The following CAMTA1 variants were observed in gnomAD, a reference collection of about 807,000 sequenced individuals.
CAMTA1 encodes calmodulin binding transcription activator 1, also known as calmodulin-binding transcription activator 1.
Under a neutral mutation model 170.9 loss-of-function variants are expected in CAMTA1, and 27 were observed. The ratio of observed to expected loss-of-function variants is 0.16; its 90% CI spans 0.12 to 0.22. CAMTA1 has a LOEUF of 0.22. Ranked by LOEUF, CAMTA1 falls within the 10% of genes least tolerant of loss-of-function variation. CAMTA1 has a pLI of 1.00. For missense variants in CAMTA1, 1,619 were observed against 2,217.2 expected, an observed-to-expected ratio of 0.73 and a Z score of 5.42; for synonymous variants, 833 against 891.5, an observed-to-expected ratio of 0.93 and a Z score of 1.17.
chr1:6,891,770 A>G (rs1022332233), intron 3 of CAMTA1, among the ~76,000 whole-genome samples: 2 of 152,238 alleles, frequency 1.3e-5, no homozygotes, highest in Non-Finnish European at 2.9e-5. Flanking sequence ...TAAATAATCT[A>G]TGATTAGCAT....
intron 11 of CAMTA1, among the ~76,000 whole-genome samples, chr1:7,729,540 A>G (rs2096716724): frequency 6.6e-6 from 1 of 152,242 alleles, no homozygotes; most frequent in South Asian, 2.1e-4. Context: ...TCTTTTGAGT[A>G]GAGCTAAGCT....
At chr1:7,283,308 A>G (rs935669559) in intron 5 of CAMTA1, among the ~76,000 whole-genome samples, 2 of 152,102 alleles carry the variant, frequency 1.3e-5, no homozygotes, top group African/African-American at 4.8e-5. Flanking sequence ...TTGTGATCCC[A>G]TCTTTGAATG....
chr1:7,719,410 T>G (rs1437169663), intron 11 of CAMTA1, among the ~76,000 whole-genome samples: 1 of 152,236 alleles, frequency 6.6e-6, no homozygotes, highest in Non-Finnish European at 1.5e-5. Flanking sequence ...GGCAGTATCC[T>G]GAATGATTTT....
chr1:7,402,539 T>C (rs2089980809), intron 5 of CAMTA1, among the ~76,000 whole-genome samples: 1 of 152,168 alleles, frequency 6.6e-6, no homozygotes. Flanking sequence ...TGGCCTGTCA[T>C]AGGGCCCATT....
At chr1:6,837,097 G>A (rs966326473) in intron 3 of CAMTA1, among the ~76,000 whole-genome samples, 1 of 151,988 alleles carries the variant, frequency 6.6e-6, no homozygotes, top group Non-Finnish European at 1.5e-5. Flanking sequence ...GGGACTACAG[G>A]CACGCGCCAC....
chr1:7,404,908 T>C (rs1471582184), intron 5 of CAMTA1, among the ~76,000 whole-genome samples: 1 of 152,148 alleles, frequency 6.6e-6, no homozygotes, highest in African/African-American at 2.4e-5. Context: ...AAAAGGGTCT[T>C]TTTTTGTTTG....
intron 3 of CAMTA1, among the ~76,000 whole-genome samples, chr1:6,931,353 A>G (rs1684380710): frequency 6.6e-6 from 1 of 152,214 alleles, no homozygotes; most frequent in Admixed American, 6.5e-5. Flanking sequence ...AGAGTCACTT[A>G]TCTCAGCACC....
chr1:7,276,303 A>ATATATATAT, intron 5 of CAMTA1, among the ~76,000 whole-genome samples: 1 of 24,232 alleles, frequency 4.1e-5, no homozygotes, highest in African/African-American at 3.0e-4. Context: ...ATATATATAT[A>ATATATATAT]TTTTTTTTTT....
rs537778005 is a variant in CAMTA1 at position 6,893,562 on chromosome 1, G to C, written c.234+68352G>C. On this transcript the variant is annotated intron_variant, in intron 3 of 22. Coordinates refer to ENST00000303635, the MANE Select transcript of CAMTA1 (RefSeq NM_015215.4). Reference sequence around the variant, plus strand: ...GAGATCATCCCTGTTGATTAGGTTTGCAGAATTCTAAATGGAGATTGTAGC... The same window carrying C: ...GAGATCATCCCTGTTGATTAGGTTTCCAGAATTCTAAATGGAGATTGTAGC... Among the ~76,000 whole-genome samples, 7 of 152,340 alleles carry C rather than the reference G, an allele frequency of 4.6e-5. No individual in the cohort carries two copies. The East Asian group carries it at 1.3e-3, about 29-fold the overall frequency.
intron 5 of CAMTA1, among the ~76,000 whole-genome samples, chr1:7,442,643 A>ACG (rs1322522057): frequency 6.6e-6 from 1 of 152,138 alleles, no homozygotes; most frequent in East Asian, 1.9e-4. Context: ...GGTTTACTCA[A>ACG]CGCGTGACTT....
Position 6,995,295 on chromosome 1 carries a change from C to CTTTTTTTTTTTTTTTTTTT in CAMTA1, c.235-96003_235-95985dup, listed in dbSNP as rs765139922. On this transcript the variant is annotated intron_variant, in intron 3 of 22. Transcript: ENST00000303635. The stretch of plus-strand genomic sequence containing the variant: ...TCCTTTAAAATCTTTTTTTTCTTTT[C>CTTTTTTTTTTTTTTTTTTT]TTTTTTTTTTTTTTTTTTTTTTTTG... Among the ~76,000 whole-genome samples, 27 of 60,622 alleles carry CTTTTTTTTTTTTTTTTTTT rather than the reference C, an allele frequency of 4.5e-4. 5 individuals carry two copies. The highest frequency in any genetic ancestry group is 1.5e-3 in the African/African-American group (22 of 14,600). The allele number at this position is 60,622 out of a possible 152,430, so 39.8% of individuals were successfully genotyped here.
chr1:7,524,875 G>T (rs556887907), intron 6 of CAMTA1, among the ~76,000 whole-genome samples: 120 of 152,138 alleles, frequency 7.9e-4, no homozygotes, highest in Non-Finnish European at 2.9e-5. Context: ...TCTCCCCTTG[G>T]CTGAGCCTTC....
At chr1:6,948,731 G>T (rs1248838516) in intron 3 of CAMTA1, among the ~76,000 whole-genome samples, 1 of 152,154 alleles carries the variant, frequency 6.6e-6, no homozygotes, top group Non-Finnish European at 1.5e-5. Context: ...GAAAATTGAT[G>T]CTTAGAGAGC....
intron 3 of CAMTA1, among the ~76,000 whole-genome samples, chr1:6,872,950 T>A (rs1215218307): frequency 6.6e-6 from 1 of 152,228 alleles, no homozygotes; most frequent in East Asian, 1.9e-4. Context: ...TTGATACCTA[T>A]AAAAGTTTAT....
chr1:6,810,410 G>A (rs1365459545), intron 1 of CAMTA1, among the ~76,000 whole-genome samples: 1 of 152,208 alleles, frequency 6.6e-6, no homozygotes, highest in East Asian at 1.9e-4. Context: ...ACAGTCTCTA[G>A]CAAGACAGAA....
At chr1:6,960,969 A>G (rs1690297348) in intron 3 of CAMTA1, among the ~76,000 whole-genome samples, 1 of 152,202 alleles carries the variant, frequency 6.6e-6, no homozygotes, top group Admixed American at 6.5e-5. Context: ...AGGTTGTGTA[A>G]CTTCTCAATA....
In CAMTA1 at chr1:7,154,627, C is replaced by T. The variant is rs780790372; in HGVS notation, c.302+63256C>T. Among the ~76,000 whole-genome samples the T allele has an allele frequency of 4.6e-5, 7 of 152,148 alleles. 1 individual carries two copies. In the South Asian group the frequency reaches 8.3e-4, roughly 18 times the overall value. On this transcript the variant is annotated intron_variant, in intron 4 of 22. Coordinates refer to ENST00000303635, the MANE Select transcript of CAMTA1 (RefSeq NM_015215.4). ...TAAAGAGGACTGGATGAAGAGAGTA[C>T]GCTTGCCTGAAGGGAAGGGGTGCTG...
At chr1:7,024,307 T>C (rs1345496308) in intron 3 of CAMTA1, among the ~76,000 whole-genome samples, 2 of 151,750 alleles carry the variant, frequency 1.3e-5, no homozygotes, top group Non-Finnish European at 2.9e-5. Flanking sequence ...AAAGCAAAAA[T>C]CCATGTGTGG....
chr1:7,077,492 T>C (rs1271960839), intron 3 of CAMTA1, among the ~76,000 whole-genome samples: 2 of 152,038 alleles, frequency 1.3e-5, no homozygotes, highest in African/African-American at 4.8e-5. Flanking sequence ...CCTTTGATTC[T>C]CTCTTTGTGA....
Sources: allele counts gnomAD v4.1 joint callset (sites outside exome capture counted in the v4.1 genomes callset), GRCh38; gene constraint gnomAD v4.1.1; transcripts MANE v1.5; gene names NCBI Gene and HGNC (gene_info 2026-07-23, HGNC 2026-07-21).